The following FAM171A1 variants were observed in gnomAD, a reference collection of about 807,000 sequenced individuals.
FAM171A1 encodes family with sequence similarity 171 member A1, also known as protein FAM171A1.
A neutral mutation model predicts 74.9 loss-of-function variants in FAM171A1; 23 were observed. That is an observed-to-expected ratio of 0.31 (90% CI 0.22 to 0.44). The LOEUF (loss-of-function observed/expected upper bound fraction) is 0.44, where lower values mean the gene tolerates loss of function less well. Among genes scored for constraint, FAM171A1 ranks in the 20% least tolerant of loss-of-function variants. The pLI is 1.00. For missense variants in FAM171A1, 1,162 were observed against 1,159.2 expected (o/e 1.00, Z -0.03); for synonymous variants, 527 against 505.7 (o/e 1.04, Z -0.57).
intron 3 of FAM171A1, among the ~76,000 whole-genome samples, chr10:15,272,943 A>T (rs895028212): frequency 2.6e-5 from 4 of 152,224 alleles, no homozygotes; most frequent in Non-Finnish European, 5.9e-5. Flanking sequence ...AAAACAGGAA[A>T]GATCTAAAAT....
chr10:15,267,601 C>CAAAAAAA (rs71390026), intron 3 of FAM171A1, among the ~76,000 whole-genome samples: 4 of 53,380 alleles, frequency 7.5e-5, no homozygotes, highest in Non-Finnish European at 9.0e-5. Flanking sequence ...GACACCATCG[C>CAAAAAAA]AAAAAAAAAA....
intron 1 of FAM171A1, 31 bp downstream of exon 1, chr10:15,370,925 A>G: frequency 9.5e-7 from 1 of 1,054,604 alleles, no homozygotes; most frequent in Non-Finnish European, 1.2e-6. Flanking sequence ...GGCGCGACAC[A>G]AAGCCCCCGG....
Position 15,283,931 on chromosome 10 carries a change from G to C in FAM171A1, c.272C>G (p.Ser91Trp), listed in dbSNP as rs752975834. Residue 91 changes from serine (S) to tryptophan (W), a missense_variant, in exon 2 of 8, where the codon TCG becomes TGG. By Grantham distance (177) the Ser-to-Trp change is radical. Coordinates refer to ENST00000378116, the MANE Select transcript of FAM171A1 (RefSeq NM_001010924.2). ...AGAGTTTGGCACGTAGGCATGCTTC[G>C]AGGCGGTGACAATCAACTGACTGCC... is the stretch of plus-strand genomic sequence containing the variant. ...KLGSQLIVTASKHAYVPNSAP... is the reference protein window; with the variant it reads ...KLGSQLIVTAWKHAYVPNSAP... The C allele has an allele frequency of 1.2e-6, 2 of 1,614,066 alleles. No individual in the cohort carries two copies. The highest frequency in any genetic ancestry group is 2.7e-5 in the African/African-American group (2 of 74,926).
intron 4 of FAM171A1, among the ~76,000 whole-genome samples, chr10:15,251,049 T>C (rs989241460): frequency 9.2e-5 from 14 of 152,198 alleles, no homozygotes; most frequent in African/African-American, 3.1e-4. Context: ...TCACTGCCTA[T>C]GTCACCTCTG....
At chr10:15,347,789 C>G (rs1236013951) in intron 1 of FAM171A1, among the ~76,000 whole-genome samples, 1 of 136,036 alleles carries the variant, frequency 7.4e-6, no homozygotes, top group Admixed American at 8.6e-5. Flanking sequence ...AAGCCGAGAT[C>G]GCACCACTGC....
intron 1 of FAM171A1, among the ~76,000 whole-genome samples, chr10:15,307,765 C>A (rs957594304): frequency 6.6e-6 from 1 of 150,698 alleles, no homozygotes; most frequent in African/African-American, 2.4e-5. Flanking sequence ...ATCAACCAAC[C>A]AATAAGTCTT....
intron 1 of FAM171A1, among the ~76,000 whole-genome samples, chr10:15,330,713 CTTTTTTTTTT>C (rs898772126): frequency 6.5e-5 from 5 of 76,758 alleles, no homozygotes; most frequent in African/African-American, 2.1e-4. Flanking sequence ...TCTTCTTCTT[CTTTTTTTTTT>C]TTTTTTTTTT....
chr10:15,258,641 G>A (rs950082760), intron 3 of FAM171A1, among the ~76,000 whole-genome samples: 1 of 152,164 alleles, frequency 6.6e-6, no homozygotes, highest in Non-Finnish European at 1.5e-5. Flanking sequence ...TGCCCTTGGA[G>A]ACGTCGACTG....
intron 1 of FAM171A1, among the ~76,000 whole-genome samples, chr10:15,299,764 G>C (rs1835206325): frequency 6.6e-6 from 1 of 152,064 alleles, no homozygotes; most frequent in Non-Finnish European, 1.5e-5. Flanking sequence ...GGATCATGAG[G>C]TCAGGAGATT....
At chr10:15,368,467 A>G (rs563668239) in intron 1 of FAM171A1, among the ~76,000 whole-genome samples, 2 of 152,314 alleles carry the variant, frequency 1.3e-5, no homozygotes, top group African/African-American at 4.8e-5. Flanking sequence ...TTGGTGCATA[A>G]TATGTATGTG....
intron 1 of FAM171A1, among the ~76,000 whole-genome samples, chr10:15,351,592 G>C (rs924663798): frequency 1.8e-5 from 1 of 54,498 alleles, no homozygotes; most frequent in African/African-American, 6.4e-5. Context: ...TGGATGGATG[G>C]ATGCATGGAT....
chr10:15,271,441 C>T (rs1834823748), intron 3 of FAM171A1, among the ~76,000 whole-genome samples: 1 of 152,158 alleles, frequency 6.6e-6, no homozygotes, highest in Non-Finnish European at 1.5e-5. Flanking sequence ...GAGAATGGAA[C>T]CAAGTTGGAA....
intron 1 of FAM171A1, among the ~76,000 whole-genome samples, chr10:15,357,729 G>C (rs1183978789): frequency 6.6e-6 from 1 of 152,188 alleles, no homozygotes; most frequent in Non-Finnish European, 1.5e-5. Context: ...CACAGAATAT[G>C]ATTAATGGAT....
At chr10:15,280,097 A>G (rs1048222493) in intron 2 of FAM171A1, among the ~76,000 whole-genome samples, 12 of 152,026 alleles carry the variant, frequency 7.9e-5, no homozygotes, top group African/African-American at 2.9e-4. Context: ...AAAAAGAAGA[A>G]AAAAACCCAA....
intron 2 of FAM171A1, among the ~76,000 whole-genome samples, chr10:15,279,275 A>T (rs1427896577): frequency 6.6e-6 from 1 of 152,246 alleles, no homozygotes; most frequent in Non-Finnish European, 1.5e-5. Context: ...TAAAGGAGAG[A>T]AAAATGATTC....
chr10:15,234,055 G>A (rs1834247732), intron 5 of FAM171A1, among the ~76,000 whole-genome samples: 1 of 152,012 alleles, frequency 6.6e-6, no homozygotes, highest in South Asian at 2.1e-4. Flanking sequence ...TAGGTCCAGA[G>A]ACATTAGTAA....
chr10:15,245,795 G>A (rs1442505440), intron 5 of FAM171A1, among the ~76,000 whole-genome samples: 1 of 152,246 alleles, frequency 6.6e-6, no homozygotes, highest in African/African-American at 2.4e-5. Flanking sequence ...GACCATACAA[G>A]GGGGTGTATA....
At chr10:15,270,906 T>C (rs983756541) in intron 3 of FAM171A1, among the ~76,000 whole-genome samples, 1 of 152,060 alleles carries the variant, frequency 6.6e-6, no homozygotes, top group Admixed American at 6.5e-5. Flanking sequence ...CAAAGGTAGA[T>C]AAAACCACAA....
chr10:15,269,082 C>T (rs988339754), intron 3 of FAM171A1, among the ~76,000 whole-genome samples: 3 of 151,890 alleles, frequency 2.0e-5, no homozygotes, highest in Non-Finnish European at 4.4e-5. Flanking sequence ...AGCCAGGAAA[C>T]ATGATTCTCA....
Sources: gnomAD v4.1 joint callset for allele counts (sites outside exome capture counted in the v4.1 genomes callset) on GRCh38, gnomAD v4.1.1 for gene constraint, MANE v1.5 for transcripts, NCBI Gene and HGNC (gene_info 2026-07-23, HGNC 2026-07-21) for gene names.